PHLDB2: variants seen among roughly 807,000 people sequenced by gnomAD.
The protein encoded by PHLDB2 is pleckstrin homology like domain family B member 2, also known as pleckstrin homology-like domain family B member 2.
A neutral mutation model predicts 123.6 loss-of-function variants in PHLDB2; 71 were observed. The observed-to-expected ratio is 0.57, with a 90% confidence interval of 0.47 to 0.70. The LOEUF (loss-of-function observed/expected upper bound fraction) is 0.70. Among genes scored for constraint, PHLDB2 ranks in the 30% least tolerant of loss-of-function variants. The pLI is 0.00. For synonymous variants in PHLDB2, 547 were observed against 541.6 expected, an observed-to-expected ratio of 1.01 and a Z score of -0.14; for missense variants, 1,446 against 1,519.5, an observed-to-expected ratio of 0.95 and a Z score of 0.80.
At chr3:111,907,225 C>G (rs1005785208) in intron 2 of PHLDB2, among the ~76,000 whole-genome samples, 2 of 152,094 alleles carry the variant, frequency 1.3e-5, no homozygotes, top group Non-Finnish European at 2.9e-5. Flanking sequence ...CCCTCAGATT[C>G]GATAATTCAC....
rs2062389266 is a variant in PHLDB2 at position 111,821,635 on chromosome 3, T to C, written c.-48-24186T>C. ...TTTATTTAAAGGTTGCTCATTTAAA[T>C]ATTAATCTTAAAAAAATACCTTCAC... is the stretch of plus-strand genomic sequence containing the variant. On this transcript the variant is annotated intron_variant, in intron 1 of 17. Transcript: ENST00000393923. 1.3e-5 allele frequency among the ~76,000 whole-genome samples: 2 copies of C among 152,216 alleles called. 1 individual carries two copies. The highest frequency in any genetic ancestry group is 4.8e-5 in the African/African-American group (2 of 41,454).
intron 5 of PHLDB2, among the ~76,000 whole-genome samples, chr3:111,922,203 C>T (rs777230060): frequency 1.3e-5 from 2 of 152,210 alleles, no homozygotes; most frequent in Non-Finnish European, 2.9e-5. Flanking sequence ...CTCCTGCCAT[C>T]CTAATCCATG....
At chr3:111,777,535 T>C (rs2060288297) in intron 1 of PHLDB2, among the ~76,000 whole-genome samples, 1 of 152,114 alleles carries the variant, frequency 6.6e-6, no homozygotes, top group African/African-American at 2.4e-5. Flanking sequence ...AATGTGAATA[T>C]TTTTAGAAGA....
chr3:111,758,297 C>A (rs2059933122), intron 1 of PHLDB2, among the ~76,000 whole-genome samples: 1 of 152,226 alleles, frequency 6.6e-6, no homozygotes, highest in Admixed American at 6.5e-5. Flanking sequence ...CCTAAGCAAC[C>A]CTGGGCAATG....
At chr3:111,736,643 A>G (rs908163638) in intron 1 of PHLDB2, among the ~76,000 whole-genome samples, 1 of 152,182 alleles carries the variant, frequency 6.6e-6, no homozygotes, top group Non-Finnish European at 1.5e-5. Context: ...AAATTTTCAG[A>G]AATTAAAAAT....
intron 6 of PHLDB2, among the ~76,000 whole-genome samples, chr3:111,938,622 AT>A (rs1419502846): frequency 6.6e-6 from 1 of 152,022 alleles, no homozygotes; most frequent in Non-Finnish European, 1.5e-5. Flanking sequence ...AAGGGGTCTA[AT>A]TTTTTTCTGC....
rs7648911 is a variant in PHLDB2, at chr3:111,795,145, G to T, written c.-48-50676G>T. On this transcript the variant is annotated intron_variant, in intron 1 of 17. Transcript: ENST00000393923. ...TTTGTTTAAGGTGCCATAATTAAAA[G>T]GTATGTAAATGAAAGAAGTTCCTCA... Among the ~76,000 whole-genome samples, 742 of 152,160 alleles carry T rather than the reference G, an allele frequency of 4.9e-3. 7 individuals are homozygous for T. Among genetic ancestry groups the T allele is most frequent in the African/African-American group, 0.017 (713 of 41,508 alleles).
chr3:111,831,564 G>A (rs2063040053), intron 1 of PHLDB2, among the ~76,000 whole-genome samples: 1 of 151,940 alleles, frequency 6.6e-6, no homozygotes, highest in South Asian at 2.1e-4. Context: ...ACCCCATGTG[G>A]GATCCATTTT....
At chr3:111,831,030 AAAGGAAGG>A (rs146504275) in intron 1 of PHLDB2, among the ~76,000 whole-genome samples, 13,286 of 71,298 alleles carry the variant, frequency 0.19, 3,514 homozygotes, top group Middle Eastern at 0.22. Context: ...AGAAAGAAAG[AAAGGAAGG>A]AAGGAAGAAA....
intron 1 of PHLDB2, among the ~76,000 whole-genome samples, chr3:111,799,631 G>T (rs1457489006): frequency 1.3e-5 from 2 of 152,116 alleles, no homozygotes; most frequent in East Asian, 3.8e-4. Context: ...GTTGGGTACT[G>T]AATTAAGTTT....
At chr3:111,791,081 C>T (rs2060899452) in intron 1 of PHLDB2, among the ~76,000 whole-genome samples, 1 of 152,104 alleles carries the variant, frequency 6.6e-6, no homozygotes, top group South Asian at 2.1e-4. Context: ...ATTTAACCAG[C>T]TATGAATTAT....
At chr3:111,947,213 C>G (rs1250413319) in intron 9 of PHLDB2, among the ~76,000 whole-genome samples, 1 of 152,150 alleles carries the variant, frequency 6.6e-6, no homozygotes, top group Non-Finnish European at 1.5e-5. Flanking sequence ...TTTTCGTCTC[C>G]TAATAGAAGA....
At chr3:111,863,736 G>C (rs575642915) in intron 1 of PHLDB2, among the ~76,000 whole-genome samples, 2 of 152,166 alleles carry the variant, frequency 1.3e-5, no homozygotes, top group Non-Finnish European at 2.9e-5. Flanking sequence ...GAAAGAAAAT[G>C]ATAGTAAAGA....
upstream of PHLDB2, among the ~76,000 whole-genome samples, chr3:111,858,865 A>G (rs1388952281): frequency 6.6e-6 from 1 of 152,206 alleles, no homozygotes; most frequent in Non-Finnish European, 1.5e-5. Flanking sequence ...CCGCGTGCCG[A>G]GATTGATTAT....
rs546161099 is a variant in PHLDB2, at chr3:111,963,919, T to C, written c.3077+1607T>C. On this transcript the variant is annotated intron_variant, in intron 13 of 17. Coordinates refer to ENST00000431670, the MANE Select transcript of PHLDB2 (RefSeq NM_001134438.2). ...TCATTACCTGCTTCCCTGATGTTTATCACTTATTTTCCATCATAATAATGG... is the reference window on the plus strand; with the variant it reads ...TCATTACCTGCTTCCCTGATGTTTACCACTTATTTTCCATCATAATAATGG... Among the ~76,000 whole-genome samples, 7 of 152,218 alleles carry C rather than the reference T, an allele frequency of 4.6e-5. No homozygotes were observed. The South Asian group carries it at 1.4e-3, about 32-fold the overall frequency.
rs375031492 is a variant in PHLDB2, at chr3:111,939,637, T to G, written c.2286+7T>G. 35 of 1,606,532 alleles carry G rather than the reference T, an allele frequency of 2.2e-5. No homozygotes were observed. The highest frequency in any genetic ancestry group is 6.9e-5 in the Admixed American group (4 of 58,004). The stretch of plus-strand genomic sequence containing the variant: ...GAACATCGTTTCTAGAAAGGTACTT[T>G]TTCCAGGTGTCATTCAATGTGAAAA... On this transcript the variant is annotated splice_region_variant and intron_variant, in intron 7 of 17. Coordinates refer to ENST00000431670, the MANE Select transcript of PHLDB2 (RefSeq NM_001134438.2).
chr3:111,929,986 A>ACTG (rs2069033418), intron 5 of PHLDB2, among the ~76,000 whole-genome samples: 1 of 145,356 alleles, frequency 6.9e-6, no homozygotes, highest in African/African-American at 2.6e-5. Flanking sequence ...ATCTCGGCTC[A>ACTG]CTGCAAGCTC....
intron 1 of PHLDB2, among the ~76,000 whole-genome samples, chr3:111,797,399 C>A (rs557167574): frequency 1.3e-5 from 2 of 152,286 alleles, no homozygotes; most frequent in South Asian, 4.1e-4. Flanking sequence ...GGGTTATAGA[C>A]CATCTCACTT....
intron 5 of PHLDB2, among the ~76,000 whole-genome samples, chr3:111,929,061 A>C (rs1274378698): frequency 6.6e-6 from 1 of 152,192 alleles, no homozygotes. Flanking sequence ...CATGAGTTCA[A>C]GACCACCCTG....
Sources: allele counts gnomAD v4.1 joint callset (sites outside exome capture counted in the v4.1 genomes callset), GRCh38; gene constraint gnomAD v4.1.1; transcripts MANE v1.5; gene names NCBI Gene and HGNC (gene_info 2026-07-23, HGNC 2026-07-21).